EPB41: variants seen among roughly 807,000 people sequenced by gnomAD.
EPB41 encodes protein 4.1.
Under a neutral mutation model 108.0 loss-of-function variants are expected in EPB41, and 65 were observed. The observed-to-expected ratio is 0.60, with a 90% CI of 0.49 to 0.74. The LOEUF (loss-of-function observed/expected upper bound fraction) is 0.74. EPB41 is among the 30% of genes least tolerant of loss of function. The pLI is 0.00. For synonymous variants in EPB41, 336 were observed against 358.9 expected (o/e 0.94, Z 0.72); for missense variants, 875 against 1,037.0 (o/e 0.84, Z 2.15).
At chr1:29,037,143 A>G (rs1425320322) in intron 10 of EPB41, among the ~76,000 whole-genome samples, 2 of 152,044 alleles carry the variant, frequency 1.3e-5, no homozygotes, top group Non-Finnish European at 2.9e-5. Context: ...GCCAGGCTGG[A>G]GTGCAGTCTG....
At chr1:29,021,781 A>G (rs2150116909) in intron 7 of EPB41, among the ~76,000 whole-genome samples, 2 of 152,150 alleles carry the variant, frequency 1.3e-5, no homozygotes, top group African/African-American at 4.8e-5. Flanking sequence ...ACAAGGTTTC[A>G]CCGTGTTAGC....
intron 8 of EPB41, among the ~76,000 whole-genome samples, chr1:29,032,160 C>G (rs1350099187): frequency 6.6e-6 from 1 of 151,050 alleles, no homozygotes; most frequent in African/African-American, 2.4e-5. Context: ...ACTACAACTT[C>G]TATGAATCTC....
Position 28,984,958 on chromosome 1 carries a change from C to T in EPB41, c.-7-2473C>T, listed in dbSNP as rs535255152. On this transcript the variant is annotated intron_variant, in intron 1 of 20. Coordinates refer to ENST00000343067, the MANE Select transcript of EPB41 (RefSeq NM_001376013.1). ...ACAGGCGTGAGCCACCATGCCCAGC[C>T]CCCAAAAACTTTTTTTTTGTTTTTG... 2.6e-5 allele frequency among the ~76,000 whole-genome samples: 4 copies of T among 151,934 alleles called. No homozygotes were observed. The South Asian group carries it at 8.3e-4, about 32-fold the overall frequency.
chr1:28,942,963 T>A (rs2094351035), intron 1 of EPB41, among the ~76,000 whole-genome samples: 1 of 152,204 alleles, frequency 6.6e-6, no homozygotes. Context: ...TGTGAGGTAA[T>A]ATGGAGCTTT....
intron 4 of EPB41, among the ~76,000 whole-genome samples, chr1:28,997,759 T>C (rs947854316): frequency 3.3e-5 from 5 of 151,948 alleles, no homozygotes. Context: ...GAAAGCAACA[T>C]TATGAAACAG....
intron 1 of EPB41, among the ~76,000 whole-genome samples, chr1:28,915,293 G>A (rs1423355121): frequency 3.3e-5 from 5 of 152,166 alleles, no homozygotes; most frequent in Non-Finnish European, 1.5e-5. Context: ...TGAAAAACAT[G>A]TTCCCCCTTA....
At chr1:28,955,755 G>A (rs2094926127) in intron 1 of EPB41, among the ~76,000 whole-genome samples, 1 of 152,118 alleles carries the variant, frequency 6.6e-6, no homozygotes, top group African/African-American at 2.4e-5. Context: ...AGATGATGCT[G>A]GGTGGGAGTC....
intron 11 of EPB41, among the ~76,000 whole-genome samples, chr1:29,048,862 T>G (rs1643996817): frequency 1.3e-5 from 2 of 152,218 alleles, no homozygotes; most frequent in Admixed American, 1.3e-4. Context: ...TTTAAATGTC[T>G]TATTTTTCTC....
chr1:29,086,496 T>G (rs925187154), intron 16 of EPB41, among the ~76,000 whole-genome samples: 11 of 151,986 alleles, frequency 7.2e-5, no homozygotes, highest in African/African-American at 2.7e-4. Context: ...ATGGTCTCGA[T>G]CTCTTGACCT....
intron 1 of EPB41, among the ~76,000 whole-genome samples, chr1:28,985,120 TG>T (rs1263978663): frequency 2.0e-5 from 3 of 152,052 alleles, no homozygotes; most frequent in Non-Finnish European, 4.4e-5. Context: ...CCTGCCACCA[TG>T]CCCGGCTAAT....
At chr1:29,086,289 T>G (rs1411046178) in intron 16 of EPB41, among the ~76,000 whole-genome samples, 1 of 151,310 alleles carries the variant, frequency 6.6e-6, no homozygotes, top group Non-Finnish European at 1.5e-5. Flanking sequence ...TTTTTTTTTT[T>G]TTTGAGACAG....
At chr1:28,925,519 G>A (rs1557688854) in intron 1 of EPB41, among the ~76,000 whole-genome samples, 1 of 152,198 alleles carries the variant, frequency 6.6e-6, no homozygotes, top group Non-Finnish European at 1.5e-5. Context: ...ATGGGAGACA[G>A]TGAGGCAGGT....
In EPB41 at chr1:29,018,384, G is replaced by C. The variant is rs1201908987; in HGVS notation, c.1066G>C (p.Ala356Pro). 6.2e-7 allele frequency: 1 copy of C among 1,614,008 alleles called. No homozygotes were observed. The highest frequency in any genetic ancestry group is 1.3e-5 in the African/African-American group (1 of 74,910). Reference protein sequence around the residue: ...GVDYVSDFKLAPNQTKELEEK... With the variant: ...GVDYVSDFKLPPNQTKELEEK... ...GGATTATGTTAGTGATTTTAAACTG[G>C]CCCCGAATCAGACCAAGGAACTTGA... The change falls in exon 7 of 21, where the codon GCC becomes CCC. Residue 356 changes from alanine (A) to proline (P), a missense_variant. Ala to Pro is a conservative substitution (Grantham distance 27, BLOSUM62 -1). Transcript: ENST00000343067. The surrounding 1 kb of genome is among the most constrained non-coding windows in gnomAD (Gnocchi z 4.4).
At chr1:28,939,275 T>G (rs2094178283) in intron 1 of EPB41, among the ~76,000 whole-genome samples, 1 of 152,160 alleles carries the variant, frequency 6.6e-6, no homozygotes, top group Non-Finnish European at 1.5e-5. Flanking sequence ...TTGTCTTTTA[T>G]TCTATTGGTG....
chr1:28,983,991 G>T (rs1279427194), intron 1 of EPB41, among the ~76,000 whole-genome samples: 2 of 149,968 alleles, frequency 1.3e-5, no homozygotes, highest in African/African-American at 4.9e-5. Flanking sequence ...TATTGCTGAT[G>T]AAAGTGGCTC....
At chr1:28,899,138 T>C (rs1397809602) in intron 1 of EPB41, among the ~76,000 whole-genome samples, 3 of 152,176 alleles carry the variant, frequency 2.0e-5, no homozygotes, top group Non-Finnish European at 2.9e-5. Flanking sequence ...CACTGTCTCA[T>C]AGATGCATGT....
chr1:29,094,389 G>T (rs1252669906), intron 16 of EPB41, among the ~76,000 whole-genome samples: 1 of 152,052 alleles, frequency 6.6e-6, no homozygotes, highest in Non-Finnish European at 1.5e-5. Flanking sequence ...CAATTCTCCT[G>T]CTTCAGCCTC....
chr1:29,071,993 T>C (rs1275405880), intron 16 of EPB41: 1 of 152,200 alleles, frequency 6.6e-6, no homozygotes, highest in African/African-American at 2.4e-5. Context: ...AAGAATCTTT[T>C]GTCCTTCAAC....
chr1:28,941,454 A>G (rs548424867), intron 1 of EPB41, among the ~76,000 whole-genome samples: 156 of 152,358 alleles, frequency 1.0e-3, no homozygotes, highest in Non-Finnish European at 1.9e-3. Flanking sequence ...AGGTTTTGTA[A>G]GATGAGTATC....
Sources: allele counts gnomAD v4.1 joint callset (sites outside exome capture counted in the v4.1 genomes callset), GRCh38; gene constraint gnomAD v4.1.1; non-coding constraint Gnocchi (gnomAD v3.1); transcripts MANE v1.5; gene names NCBI Gene and HGNC (gene_info 2026-07-23, HGNC 2026-07-21).